KMT2C: variants seen among roughly 807,000 people sequenced by gnomAD.
KMT2C encodes the protein lysine methyltransferase 2C, also known as histone-lysine N-methyltransferase 2C.
A neutral mutation model predicts 507.9 loss-of-function variants in KMT2C; 88 were observed. The observed-to-expected ratio is 0.17, with a 90% CI of 0.15 to 0.21. The LOEUF (loss-of-function observed/expected upper bound fraction) is 0.21. KMT2C is among the 10% of genes least tolerant of loss of function. KMT2C has a pLI of 1.00. For synonymous variants in KMT2C, 2,049 were observed against 2,080.8 expected (o/e 0.98, Z 0.42); for missense variants, 4,954 against 5,957.8 (o/e 0.83, Z 5.55).
rs762988552 is a variant in KMT2C, at chr7:152,252,106, T to C, written c.1470-16A>G. Reference sequence around the variant, plus strand: ...GTGAACCCACCTGCAGTGATAAGTATACTTAAATAAAAATTTCTAACATCG... The same window carrying C: ...GTGAACCCACCTGCAGTGATAAGTACACTTAAATAAAAATTTCTAACATCG... On this transcript the variant is annotated splice_polypyrimidine_tract_variant and intron_variant, in intron 10 of 58. Coordinates refer to ENST00000262189, the MANE Select transcript of KMT2C (RefSeq NM_170606.3). 11 of 1,549,478 alleles carry C rather than the reference T, an allele frequency of 7.1e-6. No homozygotes were observed. Among genetic ancestry groups the C allele is most frequent in the South Asian group, 2.5e-5 (2 of 80,368 alleles).
chr7:152,193,902 T>G (rs1406822018), intron 31 of KMT2C, 107 bp downstream of exon 31: 42 of 944,740 alleles, frequency 4.4e-5, no homozygotes, highest in Non-Finnish European at 6.1e-5. Flanking sequence ...TCAGTTTGTA[T>G]ACGTGGCTAC....
chr7:152,388,577 A>G, intron 1 of KMT2C, among the ~76,000 whole-genome samples: 1 of 152,312 alleles, frequency 6.6e-6, no homozygotes, highest in African/African-American at 2.4e-5. Context: ...AACAAACGAA[A>G]AAAGTATCTA....
At position 152,390,020 on chromosome 7, in the gene KMT2C, G is replaced by A. The variant is rs573109502; in HGVS notation, c.162-31345C>T. On this transcript the variant is annotated intron_variant, in intron 1 of 58. Coordinates refer to ENST00000262189, the MANE Select transcript of KMT2C (RefSeq NM_170606.3). ...AGTGGGAGCTAAACAATGAGTACAT[G>A]TGAACATAAAGATGGAAGTAATAGA... Among the ~76,000 whole-genome samples, 4 of 152,320 alleles carry A rather than the reference G, an allele frequency of 2.6e-5. No individual in the cohort carries two copies. The South Asian group carries it at 6.2e-4, about 24-fold the overall frequency.
chr7:152,223,999 A>C lies in KMT2C; in HGVS notation c.3323+16T>G. On this transcript the variant is annotated intron_variant, in intron 20 of 58. Coordinates refer to ENST00000262189, the MANE Select transcript of KMT2C (RefSeq NM_170606.3). ...AAAGAGAAAAGCTTTAAAAAGATGA[A>C]AAAATAGCACAATACCTATCACATT... The C allele has an allele frequency of 1.3e-6, 2 of 1,544,710 alleles. No individual in the cohort carries two copies. Among genetic ancestry groups the C allele is most frequent in the Non-Finnish European group, 1.8e-6 (2 of 1,136,406 alleles).
intron 6 of KMT2C, among the ~76,000 whole-genome samples, chr7:152,308,090 A>T (rs2096637067): frequency 6.6e-6 from 1 of 152,218 alleles, no homozygotes; most frequent in Non-Finnish European, 1.5e-5. Flanking sequence ...ACTGTTCAAA[A>T]TTTGATGACA....
chr7:152,405,277 T>TAA (rs2097602053), intron 1 of KMT2C, among the ~76,000 whole-genome samples: 1 of 148,614 alleles, frequency 6.7e-6, no homozygotes, highest in African/African-American at 2.5e-5. Flanking sequence ...TTTTTTTTTT[T>TAA]TTTTTTCTGC....
At chr7:152,207,769 A>C (rs2094347863) in intron 23 of KMT2C, among the ~76,000 whole-genome samples, 2 of 152,208 alleles carry the variant, frequency 1.3e-5, no homozygotes, top group African/African-American at 4.8e-5. Flanking sequence ...AGCTTCAACC[A>C]CAGCTATAAT....
In KMT2C at chr7:152,160,111, C is replaced by T. The variant is rs979796371; in HGVS notation, c.11461-1039G>A. Among the ~76,000 whole-genome samples the T allele has an allele frequency of 3.3e-5, 5 of 152,274 alleles. No homozygotes were observed. In the East Asian group the frequency reaches 9.6e-4, roughly 29 times the overall value. On this transcript the variant is annotated intron_variant, in intron 43 of 58. Coordinates refer to ENST00000262189, the MANE Select transcript of KMT2C (RefSeq NM_170606.3). ...AAATAAAACTTTTAAAATTCACGGACAAATTTGAATTTTGTATAATTTTTA... is the reference window on the plus strand; with the variant it reads ...AAATAAAACTTTTAAAATTCACGGATAAATTTGAATTTTGTATAATTTTTA...
intron 6 of KMT2C, among the ~76,000 whole-genome samples, chr7:152,305,429 T>G (rs2096607445): frequency 6.6e-6 from 1 of 152,018 alleles, no homozygotes; most frequent in Non-Finnish European, 1.5e-5. Context: ...CGTACTTGAG[T>G]AAGACCAATG....
At chr7:152,371,411 C>A (rs1257546407) in intron 1 of KMT2C, among the ~76,000 whole-genome samples, 1 of 152,028 alleles carries the variant, frequency 6.6e-6, no homozygotes, top group African/African-American at 2.4e-5. Context: ...AGAACCAACG[C>A]ATATCACTAT....
intron 1 of KMT2C, among the ~76,000 whole-genome samples, chr7:152,396,816 T>C (rs1022930642): frequency 1.3e-5 from 2 of 152,202 alleles, no homozygotes; most frequent in African/African-American, 2.4e-5. Flanking sequence ...CACCTCACTT[T>C]TGGAGGGCAA....
intron 1 of KMT2C, among the ~76,000 whole-genome samples, chr7:152,387,333 A>C (rs2097438125): frequency 6.6e-6 from 1 of 152,004 alleles, no homozygotes; most frequent in African/African-American, 2.4e-5. Context: ...CAAAAATAGA[A>C]TATAATGAAA....
intron 21 of KMT2C, 76 bp downstream of exon 21, chr7:152,222,497 A>G (rs2094806135): frequency 2.9e-6 from 2 of 680,548 alleles, no homozygotes; most frequent in South Asian, 3.7e-5. Flanking sequence ...AGCTAAGCTA[A>G]TTCATTGGTT....
chr7:152,331,948 C>CA (rs201664398), intron 2 of KMT2C, among the ~76,000 whole-genome samples: 131 of 148,918 alleles, frequency 8.8e-4, no homozygotes, highest in East Asian at 8.0e-3. Flanking sequence ...TGTGCCCGGC[C>CA]AAAAAAAAAT....
At position 152,199,338 on chromosome 7, in the gene KMT2C, T is replaced by C; in HGVS notation, c.4214A>G (p.Asp1405Gly). The change falls in exon 27 of 59, where the codon GAT becomes GGT. Residue 1405 changes from aspartate (D) to glycine (G), a missense_variant. By Grantham distance (94) the Asp-to-Gly change is moderately conservative. This residue lies in a region of KMT2C where 140 missense variants were observed against 118.4 expected (regional missense o/e 1.18). Coordinates refer to ENST00000262189, the MANE Select transcript of KMT2C (RefSeq NM_170606.3). ...ACTAAGTAGTGGATCTAAGGAAGGA[T>C]CCAAGAAACCTGTGTTCATGTTTGT... ...YKTNMNTGFL[D>G]PSLDPLLSSS... 1 of 1,605,502 alleles carries C rather than the reference T, an allele frequency of 6.2e-7. No individual in the cohort carries two copies. Among genetic ancestry groups the C allele is most frequent in the Non-Finnish European group, 8.5e-7 (1 of 1,177,318 alleles).
At chr7:152,364,712 T>C (rs1457269614) in intron 1 of KMT2C, among the ~76,000 whole-genome samples, 1 of 149,490 alleles carries the variant, frequency 6.7e-6, no homozygotes, top group Non-Finnish European at 1.5e-5. Flanking sequence ...CCTAAAGACA[T>C]AACAAAAAAA....
rs1163185034 is a variant in KMT2C at position 152,148,370 on chromosome 7, A to G, written c.13557T>C (p.Phe4519=). Residue 4519 remains phenylalanine, a synonymous_variant, in exon 52 of 59, where the codon TTT becomes TTC. Transcript: ENST00000262189. The surrounding 1 kb of genome is among the most constrained non-coding windows in gnomAD (Gnocchi z 7.1). ...KGIHEQELSY[F]AVFRRVYVQR... Reference sequence around the variant, plus strand: ...GAACATAGACCCTCCTGAAGACTGCAAAGTAACTTAATTCTTGCTCATGAA... The same window carrying G: ...GAACATAGACCCTCCTGAAGACTGCGAAGTAACTTAATTCTTGCTCATGAA... The G allele has an allele frequency of 6.2e-7, 1 of 1,614,276 alleles. No individual in the cohort carries two copies. Among genetic ancestry groups the G allele is most frequent in the Non-Finnish European group, 8.5e-7 (1 of 1,180,054 alleles).
intron 3 of KMT2C, among the ~76,000 whole-genome samples, chr7:152,316,783 T>C (rs1364752935): frequency 6.6e-6 from 1 of 151,774 alleles, no homozygotes; most frequent in Non-Finnish European, 1.5e-5. Context: ...GAAACTATGT[T>C]GTCTGCTGGT....
chr7:152,278,896 CA>C (rs1443114714), intron 6 of KMT2C, among the ~76,000 whole-genome samples: 1 of 152,306 alleles, frequency 6.6e-6, no homozygotes, highest in African/African-American at 2.4e-5. Context: ...ACATAGCTCT[CA>C]AATCAGGATA....
Sources: allele counts gnomAD v4.1 joint callset (sites outside exome capture counted in the v4.1 genomes callset), GRCh38; gene constraint gnomAD v4.1.1; regional missense constraint gnomAD v4.1.1; non-coding constraint Gnocchi (gnomAD v3.1); transcripts MANE v1.5; gene names NCBI Gene and HGNC (gene_info 2026-07-23, HGNC 2026-07-21).